ANKH: variants seen among roughly 807,000 people sequenced by gnomAD.
ANKH encodes mineralization regulator ANKH.
A neutral mutation model predicts 49.0 loss-of-function variants in ANKH; 15 were observed. That is an observed-to-expected ratio of 0.31 (90% CI 0.20 to 0.47). The LOEUF (loss-of-function observed/expected upper bound fraction) is 0.47, where lower values mean the gene tolerates loss of function less well. Ranked by LOEUF, ANKH falls within the 20% of genes least tolerant of loss-of-function variation. The pLI is 1.00. For synonymous variants in ANKH, 273 were observed against 260.0 expected (o/e 1.05, Z -0.48); for missense variants, 429 against 652.0 (o/e 0.66, Z 3.72).
At chr5:14,822,492 A>C (rs916701770) in intron 1 of ANKH, among the ~76,000 whole-genome samples, 15 of 152,334 alleles carry the variant, frequency 9.8e-5, no homozygotes, top group Admixed American at 5.9e-4. Context: ...GCAGAATCAC[A>C]TAATGACCCT....
chr5:14,761,827 G>A (rs558307187), intron 2 of ANKH, among the ~76,000 whole-genome samples: 8 of 150,880 alleles, frequency 5.3e-5, no homozygotes, highest in South Asian at 4.2e-4. Context: ...ATGCAGTGGC[G>A]CAATCTCAGC....
chr5:14,862,233 T>TCAAA (rs1004469267), intron 1 of ANKH, among the ~76,000 whole-genome samples: 1 of 152,050 alleles, frequency 6.6e-6, no homozygotes, highest in Non-Finnish European at 1.5e-5. Flanking sequence ...CGAAACTGTC[T>TCAAA]CAAACAAACA....
At position 14,797,867 on chromosome 5, in the gene ANKH, CTTCT is replaced by C. The variant is rs1426588123; in HGVS notation, c.97-28680_97-28677del. The C allele has an allele frequency of 8.3e-5, 133 of 1,611,912 alleles. 1 individual carries two copies. In the Middle Eastern group the frequency reaches 1.3e-3, roughly 15 times the overall value. On this transcript the variant is annotated intron_variant, in intron 1 of 11. Coordinates refer to ENST00000284268, the MANE Select transcript of ANKH (RefSeq NM_054027.6). Reference sequence around the variant, plus strand: ...GGTTCCAAGAAAGCCCATAGCCTTCCTTCTGATGTCCACGGAGACGCAAGTCTGG... The same window carrying C: ...GGTTCCAAGAAAGCCCATAGCCTTCCGATGTCCACGGAGACGCAAGTCTGG...
At chr5:14,756,739 T>C (rs371092036) in intron 3 of ANKH, among the ~76,000 whole-genome samples, 3 of 152,142 alleles carry the variant, frequency 2.0e-5, no homozygotes, top group Admixed American at 2.0e-4. Flanking sequence ...GCTTGCTGGC[T>C]TTAAATATTC....
chr5:14,863,348 C>T lies in ANKH; in HGVS notation c.96+8004G>A, dbSNP rs556361489. The stretch of plus-strand genomic sequence containing the variant: ...TTGGTGCCAATCCCTCGGTTAAGTA[C>T]TTTGAATCTCACGTGACTGCCTGGC... On this transcript the variant is annotated intron_variant, in intron 1 of 11. Coordinates refer to ENST00000284268, the MANE Select transcript of ANKH (RefSeq NM_054027.6). Among the ~76,000 whole-genome samples the T allele has an allele frequency of 2.6e-5, 4 of 152,318 alleles. No homozygotes were observed. In the South Asian group the frequency reaches 8.3e-4, roughly 32 times the overall value.
At chr5:14,820,044 A>T (rs73050683) in intron 1 of ANKH, among the ~76,000 whole-genome samples, 2,916 of 152,192 alleles carry the variant, frequency 0.019, 69 homozygotes, top group African/African-American at 0.053. Flanking sequence ...TTAAGATCTC[A>T]CTCCTGTAGA....
chr5:14,841,843 T>C (rs1026640153), intron 1 of ANKH, among the ~76,000 whole-genome samples: 9 of 152,192 alleles, frequency 5.9e-5, no homozygotes, highest in African/African-American at 2.2e-4. Context: ...TATTTGTCTA[T>C]TTGTGACCGG....
chr5:14,852,339 A>T (rs1430280835), intron 1 of ANKH, among the ~76,000 whole-genome samples: 1 of 152,188 alleles, frequency 6.6e-6, no homozygotes, highest in Non-Finnish European at 1.5e-5. Context: ...AGGAAACATG[A>T]TATGGAAGCA....
chr5:14,822,572 T>C (rs1741226747), intron 1 of ANKH, among the ~76,000 whole-genome samples: 1 of 152,222 alleles, frequency 6.6e-6, no homozygotes, highest in South Asian at 2.1e-4. Flanking sequence ...TATAAAATGG[T>C]AGTGGCCTTC....
chr5:14,778,067 C>T (rs1204094053), intron 1 of ANKH, among the ~76,000 whole-genome samples: 5 of 152,200 alleles, frequency 3.3e-5, no homozygotes, highest in Admixed American at 3.3e-4. Flanking sequence ...ACTGCATGGC[C>T]TTTGACTGCT....
At chr5:14,828,980 A>C (rs1313269901) in intron 1 of ANKH, among the ~76,000 whole-genome samples, 15 of 152,110 alleles carry the variant, frequency 9.9e-5, no homozygotes, top group Non-Finnish European at 2.2e-4. Flanking sequence ...AGGTCAGCAG[A>C]TCAAGAACAG....
chr5:14,837,867 A>G (rs1741700387), intron 1 of ANKH, among the ~76,000 whole-genome samples: 1 of 152,088 alleles, frequency 6.6e-6, no homozygotes, highest in Non-Finnish European at 1.5e-5. Flanking sequence ...AAGACTTGGA[A>G]CCAACCCAAT....
chr5:14,712,994 G>T, intron 10 of ANKH, 21 bp from the exon 11 acceptor site: 2 of 1,604,888 alleles, frequency 1.2e-6, no homozygotes, highest in African/African-American at 1.3e-5. Flanking sequence ...GAACACAAAG[G>T]CAATTTGTCT....
rs116922388 is a variant in ANKH at position 14,779,232 on chromosome 5, C to T, written c.97-10041G>A. On this transcript the variant is annotated intron_variant, in intron 1 of 11. Coordinates refer to ENST00000284268, the MANE Select transcript of ANKH (RefSeq NM_054027.6). ...TACCTTTATGTTCCTCTGACCATTTCAGGAGCCCTGTTCAAATCCACCATC... is the reference window on the plus strand; with the variant it reads ...TACCTTTATGTTCCTCTGACCATTTTAGGAGCCCTGTTCAAATCCACCATC... Among the ~76,000 whole-genome samples the T allele has an allele frequency of 8.0e-3, 1,211 of 152,276 alleles. 56 individuals are homozygous for T. The highest frequency in any genetic ancestry group is 0.064 in the Admixed American group (976 of 15,292).
chr5:14,718,682 T>C (rs539898446), intron 8 of ANKH, among the ~76,000 whole-genome samples: 1 of 151,872 alleles, frequency 6.6e-6, no homozygotes. Flanking sequence ...TGGTGGTGCA[T>C]CTCTGTAATC....
At chr5:14,776,745 AC>A in intron 1 of ANKH, among the ~76,000 whole-genome samples, 1 of 152,358 alleles carries the variant, frequency 6.6e-6, no homozygotes, top group East Asian at 1.9e-4. Context: ...CTCGAGGCAG[AC>A]GGCCAAGACA....
intron 3 of ANKH, 110 bp from the exon 4 acceptor site, chr5:14,756,054 C>A: frequency 2.3e-6 from 2 of 880,750 alleles, no homozygotes; most frequent in Non-Finnish European, 3.7e-6. Flanking sequence ...CCCCTCAAAG[C>A]CTTAGCAGCC....
In ANKH at chr5:14,771,939, A is replaced by AC. The variant is rs1292085736; in HGVS notation, c.97-2749_97-2748insG. Among the ~76,000 whole-genome samples, 626 of 140,868 alleles carry AC rather than the reference A, an allele frequency of 4.4e-3. 10 individuals carry two copies. Among genetic ancestry groups the AC allele is most frequent in the South Asian group, 0.017 (73 of 4,246 alleles). 92.4% of individuals were successfully genotyped at this position (140,868 alleles called of 152,430 possible). A position where few individuals can be genotyped will look rare whatever the true frequency, so the allele number is the denominator to read the frequency against. On this transcript the variant is annotated intron_variant, in intron 1 of 11. Coordinates refer to ENST00000284268, the MANE Select transcript of ANKH (RefSeq NM_054027.6). ...AAAAAAAGAAAAAAAAAAAAAAAAAAAAAAAAAACCAAAACAAAACAAAAC... is the reference window on the plus strand; with the variant it reads ...AAAAAAAGAAAAAAAAAAAAAAAAAACAAAAAAAACCAAAACAAAACAAAAC...
chr5:14,789,130 A>T (rs2126540940), intron 1 of ANKH, among the ~76,000 whole-genome samples: 1 of 152,266 alleles, frequency 6.6e-6, no homozygotes. Flanking sequence ...CGGGAGGCTG[A>T]GGCAGGAGAA....
Sources: allele counts gnomAD v4.1 joint callset (sites outside exome capture counted in the v4.1 genomes callset), GRCh38; gene constraint gnomAD v4.1.1; transcripts MANE v1.5; gene names NCBI Gene and HGNC (gene_info 2026-07-23, HGNC 2026-07-21).